PIK3R4: variants seen among roughly 807,000 people sequenced by gnomAD.
PIK3R4 encodes the protein phosphoinositide-3-kinase regulatory subunit 4.
PIK3R4 carries 46 observed loss-of-function variants against 136.5 expected under a neutral mutation model. The ratio of observed to expected loss-of-function variants is 0.34; its 90% CI spans 0.27 to 0.43. PIK3R4 has a LOEUF of 0.43. Ranked by LOEUF, PIK3R4 falls within the 20% of genes least tolerant of loss-of-function variation. The pLI, the probability that PIK3R4 is intolerant of heterozygous loss-of-function variation, is 1.00. For synonymous variants in PIK3R4, 557 were observed against 566.7 expected (o/e 0.98, Z 0.24); for missense variants, 1,331 against 1,649.5 (o/e 0.81, Z 3.35).
Position 130,718,457 on chromosome 3 carries a change from T to C in PIK3R4, c.2059A>G (p.Ser687Gly), listed in dbSNP as rs2066679167. The C allele has an allele frequency of 6.2e-7, 1 of 1,613,534 alleles. No individual in the cohort carries two copies. The highest frequency in any genetic ancestry group is 1.3e-5 in the African/African-American group (1 of 75,022). Reference sequence around the variant, plus strand: ...AGTTTACAGTAGACATCAGCTGTACTTATTTGACGAGCTACCACTGTGATA... The same window carrying C: ...AGTTTACAGTAGACATCAGCTGTACCTATTTGACGAGCTACCACTGTGATA... Reference protein sequence around the residue: ...GFITVVARQISTADVYCKLMP... With the variant: ...GFITVVARQIGTADVYCKLMP... The change falls in exon 8 of 20, where the codon AGT (serine) becomes GGT (glycine). Residue 687 changes from serine to glycine, a missense_variant. By Grantham distance (56) the Ser-to-Gly change is moderately conservative (BLOSUM62 0). Coordinates refer to ENST00000356763, the MANE Select transcript of PIK3R4 (RefSeq NM_014602.3).
chr3:130,728,684 TC>T lies in PIK3R4; in HGVS notation c.1586-1del. On this transcript the variant is annotated splice_acceptor_variant, in intron 5 of 19. Coordinates refer to ENST00000356763, the MANE Select transcript of PIK3R4 (RefSeq NM_014602.3). LOFTEE classifies it high-confidence loss of function. ...GACCATTTCATGTAAGGCTTGGAGC[TC>T]TAAAAAAAAAAAAAAAAGAAAGAAA... The T allele has an allele frequency of 8.6e-7, 1 of 1,163,132 alleles. No homozygotes were observed. Among genetic ancestry groups the T allele is most frequent in the South Asian group, 2.0e-5 (1 of 48,824 alleles). 72.1% of individuals were successfully genotyped at this position (1,163,132 alleles called of 1,614,324 possible). A position where few individuals can be genotyped will look rare whatever the true frequency, so the allele number is the denominator to read the frequency against.
rs374572116 is a variant in PIK3R4 at position 130,736,022 on chromosome 3, A to T, written c.734-20T>A. 2.1e-5 allele frequency: 33 copies of T among 1,582,284 alleles called. No homozygotes were observed. The East Asian group carries it at 7.2e-4, about 35-fold the overall frequency. ...CACAACCTGAAAAATAGCAGGTATA[A>T]TTCTGTTAGAAAAGAGATAAAAAAT... On this transcript the variant is annotated intron_variant, in intron 2 of 19. Coordinates refer to ENST00000356763, the MANE Select transcript of PIK3R4 (RefSeq NM_014602.3).
chr3:130,723,134 A>C (rs2066712382), intron 7 of PIK3R4, among the ~76,000 whole-genome samples: 1 of 150,966 alleles, frequency 6.6e-6, no homozygotes, highest in South Asian at 2.1e-4. Flanking sequence ...ACAAAAACCA[A>C]AGTCTTGCTT....
At chr3:130,681,332 C>T (rs77508421) in intron 17 of PIK3R4, among the ~76,000 whole-genome samples, 159 bp downstream of exon 17, 6,695 of 152,264 alleles carry the variant, frequency 0.044, 237 homozygotes, top group Non-Finnish European at 0.064. Flanking sequence ...AGCAAGGAAA[C>T]ACTCATGTAG....
intron 9 of PIK3R4, 71 bp from the exon 10 acceptor site, chr3:130,708,563 A>G: frequency 2.3e-6 from 3 of 1,328,608 alleles, no homozygotes; most frequent in Admixed American, 1.9e-5. Flanking sequence ...AGAATGACTA[A>G]CAACTGAAGG....
At chr3:130,743,544 C>T (rs1327115553) in intron 2 of PIK3R4, among the ~76,000 whole-genome samples, 1 of 152,350 alleles carries the variant, frequency 6.6e-6, no homozygotes, top group East Asian at 1.9e-4. Flanking sequence ...CCCAACCTAA[C>T]CTGTTGCTCC....
At chr3:130,712,592 C>T (rs1040215561) in intron 9 of PIK3R4, among the ~76,000 whole-genome samples, 6 of 149,868 alleles carry the variant, frequency 4.0e-5, no homozygotes, top group African/African-American at 1.2e-4. Flanking sequence ...CGCTTGAAAC[C>T]GGGAGGCGGA....
intron 13 of PIK3R4, among the ~76,000 whole-genome samples, chr3:130,697,042 A>G (rs1045377794): frequency 7.8e-6 from 1 of 128,468 alleles, no homozygotes; most frequent in Admixed American, 7.7e-5. Context: ...TTTATGTTCT[A>G]TCTGACATTG....
chr3:130,706,934 G>A lies in PIK3R4; in HGVS notation c.2721+14C>T. 1 of 1,594,628 alleles carries A rather than the reference G, an allele frequency of 6.3e-7. No homozygotes were observed. The highest frequency in any genetic ancestry group is 8.5e-7 in the Non-Finnish European group (1 of 1,170,592). On this transcript the variant is annotated intron_variant, in intron 11 of 19. Transcript: ENST00000356763. ...AAAGACATTAGGAGGACTACTGACT[G>A]GGTGACACAGTACCTGTGAAGAAGT...
intron 2 of PIK3R4, among the ~76,000 whole-genome samples, chr3:130,736,386 T>C (rs1249398158): frequency 6.6e-6 from 1 of 152,110 alleles, no homozygotes; most frequent in African/African-American, 2.4e-5. Context: ...CTGGTCAACA[T>C]GATGAAAGCC....
Position 130,733,728 on chromosome 3 carries a change from G to T in PIK3R4, c.1270C>A (p.His424Asn), listed in dbSNP as rs1344037068. ...LLDRITPYLL[H>N]FSNDSVPRVR... ...CTAGGAACAGAGTCATTGCTGAAAT[G>T]CAAAAGATATGGAGTAATACGATCC... Residue 424 changes from histidine to asparagine, a missense_variant, in exon 4 of 20, where the codon CAT becomes AAT. His to Asn is a moderately conservative substitution (Grantham distance 68, BLOSUM62 1). Around this residue, in one of 2 missense-constraint regions of PIK3R4, gnomAD observed 1,180 missense variants for 1,407.0 expected, o/e 0.84. Transcript: ENST00000356763. 4.3e-6 allele frequency: 7 copies of T among 1,614,146 alleles called. No individual in the cohort carries two copies. Among genetic ancestry groups the T allele is most frequent in the Non-Finnish European group, 5.9e-6 (7 of 1,179,990 alleles).
intron 15 of PIK3R4, among the ~76,000 whole-genome samples, chr3:130,685,585 T>A (rs2066485218): frequency 6.6e-6 from 1 of 152,226 alleles, no homozygotes; most frequent in East Asian, 1.9e-4. Flanking sequence ...CAAATTGTTA[T>A]CTATAAAATG....
intron 14 of PIK3R4, among the ~76,000 whole-genome samples, chr3:130,687,613 G>A (rs554706752): frequency 6.6e-6 from 1 of 152,182 alleles, no homozygotes; most frequent in East Asian, 1.9e-4. Flanking sequence ...TCTTCTGTAA[G>A]TTGTCACTTC....
chr3:130,713,963 C>T (rs142388311), intron 9 of PIK3R4, among the ~76,000 whole-genome samples: 272 of 152,100 alleles, frequency 1.8e-3, no homozygotes, highest in Non-Finnish European at 3.3e-3. Context: ...TGAGCCACCG[C>T]GCCGGGCCTG....
chr3:130,680,156 A>AT (rs2066448963), intron 19 of PIK3R4, among the ~76,000 whole-genome samples: 1 of 152,192 alleles, frequency 6.6e-6, no homozygotes, highest in East Asian at 1.9e-4. Context: ...AATATTTGTC[A>AT]TGAAGGAAGC....
intron 13 of PIK3R4, among the ~76,000 whole-genome samples, chr3:130,697,827 C>T (rs1275403039): frequency 6.6e-6 from 1 of 152,188 alleles, no homozygotes; most frequent in Non-Finnish European, 1.5e-5. Context: ...TGGTGCTCTT[C>T]ATCTCTTTAT....
At position 130,716,598 on chromosome 3, in the gene PIK3R4, A is replaced by G; in HGVS notation, c.2129T>C (p.Ile710Thr). The change falls in exon 9 of 20, where the codon ATT becomes ACT. Residue 710 changes from isoleucine to threonine, a missense_variant and splice_region_variant. Transcript: ENST00000356763. Reference protein sequence around the residue: ...DPYITQPIIQIERKLVLLSVL... With the variant: ...DPYITQPIIQTERKLVLLSVL... ...ACTGAGCAGAACAAGTTTTCTTTCA[A>G]TCTATATTGGAAAAATAAAAAGGAT... is the stretch of plus-strand genomic sequence containing the variant. The G allele has an allele frequency of 6.2e-7, 1 of 1,603,722 alleles. No homozygotes were observed. The highest frequency in any genetic ancestry group is 8.5e-7 in the Non-Finnish European group (1 of 1,173,688).
chr3:130,709,992 C>T (rs1312451467), intron 9 of PIK3R4, among the ~76,000 whole-genome samples: 3 of 152,034 alleles, frequency 2.0e-5, no homozygotes, highest in African/African-American at 7.3e-5. Context: ...GCAAGTTGTA[C>T]ACTTTAAGAG....
chr3:130,715,608 T>G (rs2066660533), intron 9 of PIK3R4, among the ~76,000 whole-genome samples: 1 of 152,154 alleles, frequency 6.6e-6, no homozygotes, highest in Non-Finnish European at 1.5e-5. Flanking sequence ...TGATGGGATT[T>G]TTTTTTCTTG....
Sources: gnomAD v4.1 joint callset for allele counts (sites outside exome capture counted in the v4.1 genomes callset) on GRCh38, gnomAD v4.1.1 for gene constraint, gnomAD v4.1.1 regional missense constraint, MANE v1.5 for transcripts, NCBI Gene and HGNC (gene_info 2026-07-23, HGNC 2026-07-21) for gene names.